Variants in UTP25 observed in about 807,000 individuals in gnomAD.
UTP25 encodes the protein U3 small nucleolar RNA-associated protein 25 homolog.
Under a neutral mutation model 78.9 loss-of-function variants are expected in UTP25, and 50 were observed. The observed-to-expected ratio is 0.63, with a 90% CI of 0.50 to 0.80. The LOEUF is 0.80. Among genes scored for constraint, UTP25 ranks in the 30% least tolerant of loss-of-function variants. The pLI is 0.00. For synonymous variants in UTP25, 329 were observed against 336.5 expected, an observed-to-expected ratio of 0.98 and a Z score of 0.24; for missense variants, 846 against 911.3, an observed-to-expected ratio of 0.93 and a Z score of 0.92.
At chr1:209,833,404 T>C (rs775563166) in intron 4 of UTP25, 46 bp downstream of exon 4, 11 of 1,466,176 alleles carry the variant, frequency 7.5e-6, no homozygotes, top group African/African-American at 5.7e-5. Context: ...GTGCTTAGTA[T>C]GGAATTTGTG....
chr1:209,830,050 CT>C, intron 1 of UTP25, 57 bp from the exon 2 acceptor site: 2 of 1,473,722 alleles, frequency 1.4e-6, no homozygotes, highest in Non-Finnish European at 1.9e-6. Context: ...CTCATTTGAC[CT>C]TTTCCTAATT....
rs2078100086 is a variant in UTP25, at chr1:209,830,963, C to A, written c.308C>A (p.Ala103Glu). 6.2e-7 allele frequency: 1 copy of A among 1,613,750 alleles called. No individual in the cohort carries two copies. Among genetic ancestry groups the A allele is most frequent in the Non-Finnish European group, 8.5e-7 (1 of 1,179,830 alleles). ...EEEEDSIVDD[A>E]EMNDEDGGSD... ...GAAGAAGACAGTATTGTAGATGATG[C>A]AGAAATGAACGATGAAGATGGTGGT... Residue 103 changes from alanine to glutamate, a missense_variant, in exon 3 of 12, where the codon GCA becomes GAA. By Grantham distance (107) the Ala-to-Glu change is moderately radical. Transcript: ENST00000491415.
intron 2 of UTP25, 60 bp from the exon 3 acceptor site, chr1:209,830,743 T>A (rs2078098463): frequency 6.4e-7 from 1 of 1,562,834 alleles, no homozygotes; most frequent in African/African-American, 1.4e-5. Flanking sequence ...TGATGATAGT[T>A]TTAGGGTAAC....
chr1:209,843,572 G>C lies in UTP25; in HGVS notation c.1903G>C (p.Glu635Gln). Reference sequence around the variant, plus strand: ...TCTTCGAAATTACTTCAAGAAGGAGGAATTGAATTTTACCCACATCTGCGA... The same window carrying C: ...TCTTCGAAATTACTTCAAGAAGGAGCAATTGAATTTTACCCACATCTGCGA... The part of the protein sequence containing the change: ...VRLRNYFKKE[E>Q]LNFTHICEYT... Residue 635 changes from glutamate (E) to glutamine (Q), a missense_variant, in exon 11 of 12, where the codon GAA becomes CAA. By Grantham distance (29) the Glu-to-Gln change is conservative (BLOSUM62 2). Coordinates refer to ENST00000491415, the MANE Select transcript of UTP25 (RefSeq NM_014388.7). The C allele has an allele frequency of 1.9e-6, 3 of 1,614,172 alleles. No homozygotes were observed. In the South Asian group the frequency reaches 3.3e-5, roughly 18 times the overall value.
At chr1:209,828,750 GAC>G (rs59664590) in intron 1 of UTP25, among the ~76,000 whole-genome samples, 77,183 of 148,010 alleles carry the variant, frequency 0.52, 20,487 homozygotes, top group Middle Eastern at 0.56. Context: ...ATTTTTTGTA[GAC>G]ACACATATAT....
At chr1:209,848,653 T>C (rs2078211680) in intron 11 of UTP25, among the ~76,000 whole-genome samples, 1 of 152,240 alleles carries the variant, frequency 6.6e-6, no homozygotes, top group African/African-American at 2.4e-5. Flanking sequence ...TTTGCATCTT[T>C]TCCATATCTT....
chr1:209,849,102 CTT>C (rs1441079335), intron 11 of UTP25, among the ~76,000 whole-genome samples: 3 of 152,042 alleles, frequency 2.0e-5, no homozygotes, highest in East Asian at 1.9e-4. Context: ...CAGGAGGCCT[CTT>C]GTTTCTCCTT....
intron 8 of UTP25, 54 bp downstream of exon 8, chr1:209,841,109 G>A (rs2078165066): frequency 3.2e-6 from 5 of 1,586,348 alleles, no homozygotes; most frequent in Middle Eastern, 1.7e-4. Context: ...AGAGGGATAA[G>A]ACACCCAGTG....
intron 11 of UTP25, among the ~76,000 whole-genome samples, chr1:209,847,214 C>G (rs1210459847): frequency 6.6e-6 from 1 of 152,080 alleles, no homozygotes; most frequent in Non-Finnish European, 1.5e-5. Flanking sequence ...ATATATAGCT[C>G]TACGACATCC....
intron 10 of UTP25, 130 bp from the exon 11 acceptor site, chr1:209,843,321 G>T: frequency 1.9e-6 from 2 of 1,080,300 alleles, no homozygotes; most frequent in Non-Finnish European, 2.6e-6. Flanking sequence ...TTGAGAGGAG[G>T]TAAATCATAT....
chr1:209,852,653 T>A lies in UTP25; in HGVS notation c.*1206T>A. 1 of 152,160 alleles carries A rather than the reference T, an allele frequency of 6.6e-6. No individual in the cohort carries two copies. Among genetic ancestry groups the A allele is most frequent in the African/African-American group, 2.4e-5 (1 of 41,424 alleles). The allele number at this position is 152,160 out of a possible 1,614,324, so 9.4% of individuals were successfully genotyped here. ...TGCTGTATTTTTTGACAATGAGACATTCCAGGTTTCTCTACTCCAGCCCTG... is the reference window on the plus strand; with the variant it reads ...TGCTGTATTTTTTGACAATGAGACAATCCAGGTTTCTCTACTCCAGCCCTG... On this transcript the variant is annotated 3_prime_UTR_variant, in exon 12 of 12. Coordinates refer to ENST00000491415, the MANE Select transcript of UTP25 (RefSeq NM_014388.7).
rs767254947 is a variant in UTP25, at chr1:209,856,299, A to ACACTG, written c.*4855_*4859dup. On this transcript the variant is annotated 3_prime_UTR_variant, in exon 12 of 12. Coordinates refer to ENST00000491415, the MANE Select transcript of UTP25 (RefSeq NM_014388.7). ...TGAGATAACAAAGTACCTAGTAAAA[A>ACACTG]CACTGCATCATTTTCCATCCCCCAC... 2.0e-5 allele frequency: 3 copies of ACACTG among 152,260 alleles called. No homozygotes were observed. The highest frequency in any genetic ancestry group is 4.4e-5 in the Non-Finnish European group (3 of 68,076). 9.4% of individuals were successfully genotyped at this position (152,260 alleles called of 1,614,324 possible). A position where few individuals can be genotyped will look rare whatever the true frequency, so the allele number is the denominator to read the frequency against.
chr1:209,828,114 TAA>T lies in UTP25; in HGVS notation c.55_56del (p.Lys19AlafsTer16). The T allele has an allele frequency of 1.2e-6, 2 of 1,614,084 alleles. No individual in the cohort carries two copies. Among genetic ancestry groups the T allele is most frequent in the Non-Finnish European group, 1.7e-6 (2 of 1,180,002 alleles). On this transcript the variant is annotated frameshift_variant, in exon 1 of 12. Coordinates refer to ENST00000491415, the MANE Select transcript of UTP25 (RefSeq NM_014388.7). LOFTEE classifies it high-confidence loss of function. ...SQSQLLNTLT[K>X]KQKKHLRDFG... ...AGAGCCAGCTACTCAACACCCTAAC[TAA>T]AAAGCAGAAGAAACATCTTCGAGAT... is the stretch of plus-strand genomic sequence containing the variant.
Position 209,848,378 on chromosome 1 carries a change from C to T in UTP25, c.2028-2826C>T, listed in dbSNP as rs552523428. On this transcript the variant is annotated intron_variant, in intron 11 of 11. Coordinates refer to ENST00000491415, the MANE Select transcript of UTP25 (RefSeq NM_014388.7). Reference sequence around the variant, plus strand: ...GTGTGTGTATGTAATTAATAAGTAACGTGTGAGGTAAACATCACATTGTTT... The same window carrying T: ...GTGTGTGTATGTAATTAATAAGTAATGTGTGAGGTAAACATCACATTGTTT... Among the ~76,000 whole-genome samples the T allele has an allele frequency of 5.9e-5, 9 of 152,190 alleles. No individual in the cohort carries two copies. In the South Asian group the frequency reaches 8.3e-4, roughly 14 times the overall value.
rs1425151083 is a variant in UTP25 at position 209,852,850 on chromosome 1, A to G, written c.*1403A>G. 6.6e-6 allele frequency: 1 copy of G among 152,216 alleles called. No homozygotes were observed. The highest frequency in any genetic ancestry group is 2.4e-5 in the African/African-American group (1 of 41,454). 9.4% of individuals were successfully genotyped at this position (152,216 alleles called of 1,614,324 possible). ...CACATTAATATCTAAATTTACTTTC[A>G]TATCCATATATTGAAAACCATGAAT... On this transcript the variant is annotated 3_prime_UTR_variant, in exon 12 of 12. Coordinates refer to ENST00000491415, the MANE Select transcript of UTP25 (RefSeq NM_014388.7).
At chr1:209,844,765 C>T (rs1444134919) in intron 11 of UTP25, 2 of 151,892 alleles carry the variant, frequency 1.3e-5, no homozygotes, top group Non-Finnish European at 2.9e-5. Context: ...CTAAGTCTCT[C>T]TCTGTTGATA....
intron 8 of UTP25, among the ~76,000 whole-genome samples, chr1:209,841,878 G>A (rs1267632681): frequency 6.6e-6 from 1 of 152,222 alleles, no homozygotes; most frequent in Non-Finnish European, 1.5e-5. Flanking sequence ...GGGTGACACT[G>A]CAACTATTCC....
chr1:209,847,039 G>GT (rs547953277), intron 11 of UTP25, among the ~76,000 whole-genome samples: 5 of 151,756 alleles, frequency 3.3e-5, no homozygotes, highest in African/African-American at 1.2e-4. Context: ...ACACACACGT[G>GT]TTTTTTTAAA....
chr1:209,829,695 A>C (rs1028158812), intron 1 of UTP25, among the ~76,000 whole-genome samples: 1 of 152,018 alleles, frequency 6.6e-6, no homozygotes, highest in Non-Finnish European at 1.5e-5. Context: ...TATGTTACCC[A>C]GGTTGGTCTC....
Sources: allele counts gnomAD v4.1 joint callset (sites outside exome capture counted in the v4.1 genomes callset), GRCh38; gene constraint gnomAD v4.1.1; transcripts MANE v1.5; gene names NCBI Gene and HGNC (gene_info 2026-07-23, HGNC 2026-07-21).